PLA2G4A: variants seen among roughly 807,000 people sequenced by gnomAD.
PLA2G4A encodes the protein cytosolic phospholipase A2.
PLA2G4A carries 40 observed loss-of-function variants against 81.9 expected under a neutral mutation model. The observed-to-expected ratio is 0.49, with a 90% CI of 0.38 to 0.64. PLA2G4A has a LOEUF of 0.64. Ranked by LOEUF, PLA2G4A falls within the 30% of genes least tolerant of loss-of-function variation. The probability of loss-of-function intolerance (pLI) is 0.00; values close to 1 mark genes in which losing one functional copy is unlikely to be tolerated. For missense variants in PLA2G4A, 715 were observed against 905.1 expected (o/e 0.79, Z 2.69); for synonymous variants, 302 against 296.9 (o/e 1.02, Z -0.18).
intron 15 of PLA2G4A, among the ~76,000 whole-genome samples, chr1:186,973,348 A>G (rs1017801632): frequency 5.3e-5 from 8 of 152,126 alleles, no homozygotes; most frequent in African/African-American, 1.9e-4. Flanking sequence ...TTTTGTGTGC[A>G]TGTCTTCTCT....
chr1:186,952,430 A>G (rs1352283084), intron 13 of PLA2G4A, among the ~76,000 whole-genome samples: 1 of 152,164 alleles, frequency 6.6e-6, no homozygotes, highest in Non-Finnish European at 1.5e-5. Flanking sequence ...TTTAGGCTCA[A>G]AGCAAAACTG....
At chr1:186,851,220 T>A (rs1332304454) in intron 1 of PLA2G4A, among the ~76,000 whole-genome samples, 2 of 151,982 alleles carry the variant, frequency 1.3e-5, no homozygotes, top group African/African-American at 4.8e-5. Context: ...GATAGTACTG[T>A]CCTAGCATTG....
intron 15 of PLA2G4A, among the ~76,000 whole-genome samples, chr1:186,968,432 G>GTGTGTGTGTT (rs1307238336): frequency 6.6e-6 from 1 of 151,194 alleles, no homozygotes; most frequent in South Asian, 2.1e-4. Flanking sequence ...GTGTGTGTGT[G>GTGTGTGTGTT]TATGTGTCTA....
At position 186,829,013 on chromosome 1, in the gene PLA2G4A, T is replaced by A. The variant is rs1480035172; in HGVS notation, c.-92T>A. On this transcript the variant is annotated 5_prime_UTR_variant, in exon 1 of 18. The change creates a new upstream start codon in the 5' untranslated region. Transcript: ENST00000367466. Reference sequence around the variant, plus strand: ...GGATCCTGACTGAAAGCTAGAGGCATTGAGGAGCCTGAAGATTCTCAGGTA... The same window carrying A: ...GGATCCTGACTGAAAGCTAGAGGCAATGAGGAGCCTGAAGATTCTCAGGTA... The A allele has an allele frequency of 6.6e-6, 1 of 152,206 alleles. No individual in the cohort carries two copies. Among genetic ancestry groups the A allele is most frequent in the Non-Finnish European group, 1.5e-5 (1 of 68,050 alleles). 9.4% of individuals were successfully genotyped at this position (152,206 alleles called of 1,614,324 possible). A position where few individuals can be genotyped will look rare whatever the true frequency, so the allele number is the denominator to read the frequency against.
At position 186,958,988 on chromosome 1, in the gene PLA2G4A, A is replaced by T. The variant is rs151014053; in HGVS notation, c.1579+2644A>T. Among the ~76,000 whole-genome samples the T allele has an allele frequency of 3.5e-3, 533 of 152,338 alleles. 4 individuals carry two copies. Among genetic ancestry groups the T allele is most frequent in the African/African-American group, 0.012 (509 of 41,584 alleles). ...TGTTGATTATCTGAAATTCAAATTA[A>T]ACCGGGCATCCTGTATTTTTTTAGC... On this transcript the variant is annotated intron_variant, in intron 14 of 17. Coordinates refer to ENST00000367466, the MANE Select transcript of PLA2G4A (RefSeq NM_024420.3).
chr1:186,854,651 A>T (rs1280286365), intron 2 of PLA2G4A, among the ~76,000 whole-genome samples: 1 of 151,948 alleles, frequency 6.6e-6, no homozygotes, highest in Non-Finnish European at 1.5e-5. Context: ...AACAATAAAA[A>T]ATGTTGTTAT....
intron 3 of PLA2G4A, among the ~76,000 whole-genome samples, chr1:186,876,825 C>T (rs988812305): frequency 2.1e-4 from 32 of 152,066 alleles, no homozygotes; most frequent in African/African-American, 7.5e-4. Context: ...CTAAAGAAAA[C>T]CCAAATGCAT....
At position 186,870,826 on chromosome 1, in the gene PLA2G4A, G is replaced by A. The variant is rs978882802; in HGVS notation, c.115+310G>A. The stretch of plus-strand genomic sequence containing the variant: ...ATTACTTGAGTTCCTTGACAAATCA[G>A]AGGTTCTGCCTTCTTCAAATGTGGT... On this transcript the variant is annotated intron_variant, in intron 3 of 17. Coordinates refer to ENST00000367466, the MANE Select transcript of PLA2G4A (RefSeq NM_024420.3). 69 of 853,374 alleles carry A rather than the reference G, an allele frequency of 8.1e-5. 1 individual carries two copies. The highest frequency in any genetic ancestry group is 2.6e-5 in the Non-Finnish European group (14 of 540,094). 52.9% of individuals were successfully genotyped at this position (853,374 alleles called of 1,614,324 possible).
At chr1:186,852,263 C>T (rs2102024181) in intron 1 of PLA2G4A, among the ~76,000 whole-genome samples, 1 of 152,012 alleles carries the variant, frequency 6.6e-6, no homozygotes, top group East Asian at 1.9e-4. Flanking sequence ...GTTAGATGGT[C>T]ATAAAGCAAG....
At chr1:186,831,940 C>T (rs1353335282) in intron 1 of PLA2G4A, among the ~76,000 whole-genome samples, 2 of 127,278 alleles carry the variant, frequency 1.6e-5, no homozygotes, top group Non-Finnish European at 3.2e-5. Flanking sequence ...TCATGAGATG[C>T]ATTGTTAAAA....
intron 1 of PLA2G4A, among the ~76,000 whole-genome samples, chr1:186,830,605 T>A (rs1651513675): frequency 1.4e-5 from 1 of 73,574 alleles, no homozygotes; most frequent in Non-Finnish European, 2.2e-5. Context: ...CGAAGCTCTG[T>A]CTCAAAAAAA....
rs149162648 is a variant in PLA2G4A, at chr1:186,871,388, G to C, written c.115+872G>C. Among the ~76,000 whole-genome samples the C allele has an allele frequency of 3.3e-5, 5 of 152,188 alleles. No individual in the cohort carries two copies. The South Asian group carries it at 1.0e-3, about 31-fold the overall frequency. The stretch of plus-strand genomic sequence containing the variant: ...ACATCTTAGATTTAATAATGTCTTA[G>C]ATTTAACATCTTAGATTGTTAATAT... On this transcript the variant is annotated intron_variant, in intron 3 of 17. Coordinates refer to ENST00000367466, the MANE Select transcript of PLA2G4A (RefSeq NM_024420.3).
At chr1:186,893,653 G>A (rs557000845) in intron 4 of PLA2G4A, among the ~76,000 whole-genome samples, 5 of 152,096 alleles carry the variant, frequency 3.3e-5, no homozygotes, top group Admixed American at 2.6e-4. Context: ...AGATTGGCCG[G>A]GCACTGTGGC....
intron 13 of PLA2G4A, among the ~76,000 whole-genome samples, chr1:186,951,960 A>G (rs1199842022): frequency 1.3e-5 from 2 of 152,252 alleles, no homozygotes; most frequent in African/African-American, 2.4e-5. Flanking sequence ...AGCAGCCCTG[A>G]TCATTAAGCA....
intron 1 of PLA2G4A, among the ~76,000 whole-genome samples, chr1:186,837,744 A>AAAAAAAG (rs1651836364): frequency 6.8e-6 from 1 of 148,132 alleles, no homozygotes; most frequent in Non-Finnish European, 1.5e-5. Context: ...CTCAAAAAAA[A>AAAAAAAG]AAAAAAAAGA....
chr1:186,914,086 T>C (rs1655056413), intron 7 of PLA2G4A, among the ~76,000 whole-genome samples: 1 of 99,876 alleles, frequency 1.0e-5, no homozygotes, highest in Non-Finnish European at 1.9e-5. Context: ...TGTTTTGTTT[T>C]GTTTTTTTGT....
chr1:186,895,972 T>C (rs1335852273), intron 5 of PLA2G4A, among the ~76,000 whole-genome samples: 5 of 151,708 alleles, frequency 3.3e-5, no homozygotes, highest in African/African-American at 1.2e-4. Flanking sequence ...TTTATGTATA[T>C]ATAATACATG....
chr1:186,925,919 AT>A (rs1655531693), intron 7 of PLA2G4A, among the ~76,000 whole-genome samples: 1 of 152,228 alleles, frequency 6.6e-6, no homozygotes, highest in Non-Finnish European at 1.5e-5. Flanking sequence ...AGTTCCTAGT[AT>A]GGTAGATCCT....
Position 186,950,954 on chromosome 1 carries a change from TAA to T in PLA2G4A, c.1336+227_1336+228del, listed in dbSNP as rs1161266991. On this transcript the variant is annotated intron_variant, in intron 13 of 17. Transcript: ENST00000367466. Reference sequence around the variant, plus strand: ...TTGTTTTAATACCTCAAAAATACTATAAGTTGAACAAATGAACAGATCCAAGA... The same window carrying T: ...TTGTTTTAATACCTCAAAAATACTATGTTGAACAAATGAACAGATCCAAGA... 2.6e-4 allele frequency among the ~76,000 whole-genome samples: 39 copies of T among 152,336 alleles called. 1 individual carries two copies. Among genetic ancestry groups the T allele is most frequent in the African/African-American group, 9.4e-4 (39 of 41,584 alleles).
Sources: allele counts gnomAD v4.1 joint callset (sites outside exome capture counted in the v4.1 genomes callset), GRCh38; gene constraint gnomAD v4.1.1; transcripts MANE v1.5; gene names NCBI Gene and HGNC (gene_info 2026-07-23, HGNC 2026-07-21).